SATL1: variants seen among roughly 807,000 people sequenced by gnomAD.
SATL1 encodes spermidine/spermine N1-acetyl transferase like 1.
SATL1 carries 47 observed loss-of-function variants against 51.8 expected under a neutral mutation model. The ratio of observed to expected loss-of-function variants is 0.91; its 90% CI spans 0.72 to 1.16. The LOEUF (loss-of-function observed/expected upper bound fraction) is 1.16, where lower values mean the gene tolerates loss of function less well. Among genes scored for constraint, SATL1 ranks in the 50% most tolerant of loss-of-function variants. SATL1 has a pLI of 0.00. For missense variants in SATL1, 520 were observed against 526.4 expected (o/e 0.99, Z 0.12); for synonymous variants, 176 against 182.4 (o/e 0.97, Z 0.28).
At chrX:85,152,712 C>G (rs1186201603) in intron 2 of SATL1, among the ~76,000 whole-genome samples, 11 of 110,848 alleles carry the variant, frequency 9.9e-5, no homozygotes, top group Non-Finnish European at 2.1e-4. Context: ...TAAACTTTCA[C>G]AAGGACAAAA....
At position 85,107,866 on chromosome X, in the gene SATL1, T is replaced by G; in HGVS notation, c.1103A>C (p.Gln368Pro). ...QSGPRQSSTS[Q>P]AGTNQSGISQ... ...TATACCTGATTGGTTTGTGCCTGCT[T>G]GGCTCGTGCTTGATTGTCTGGGGCC... Residue 368 changes from glutamine (Q) to proline (P), a missense_variant, in exon 3 of 8, where the codon CAA becomes CCA. Gln to Pro is a moderately conservative substitution (Grantham distance 76, BLOSUM62 -1). This residue lies in a region of SATL1 where 488 missense variants were observed against 474.3 expected (regional missense o/e 1.03). Transcript: ENST00000644105. The G allele has an allele frequency of 8.3e-7, 1 of 1,211,776 alleles. No individual in the cohort carries two copies. The highest frequency in any genetic ancestry group is 1.1e-6 in the Non-Finnish European group (1 of 895,582).
rs754494804 is a variant in SATL1, at chrX:85,147,756, G to C, written c.-312-38476C>G. On this transcript the variant is annotated intron_variant, in intron 2 of 7. Coordinates refer to ENST00000644105, the MANE Select transcript of SATL1 (RefSeq NM_001367857.2). ...AGCAAACTCCAACAGACCTGCAGCT[G>C]AGGGTCCTGTCTGTTAGAAGGGAAA... Among the ~76,000 whole-genome samples, 12 of 112,327 alleles carry C rather than the reference G, an allele frequency of 1.1e-4. No homozygotes were observed. The East Asian group carries it at 2.2e-3, about 21-fold the overall frequency.
chrX:85,179,838 G>A (rs1057392382), intron 2 of SATL1, among the ~76,000 whole-genome samples: 2 of 109,652 alleles, frequency 1.8e-5, no homozygotes, highest in Admixed American at 9.8e-5. Context: ...AACAGAACCA[G>A]GATTCAAAAC....
At chrX:85,127,571 G>A (rs963066456) in intron 2 of SATL1, among the ~76,000 whole-genome samples, 1 of 111,445 alleles carries the variant, frequency 9.0e-6, no homozygotes, top group African/African-American at 3.3e-5. Flanking sequence ...TCCATATCCT[G>A]TTGGCAAATA....
chrX:85,207,571 G>A (rs1223143608), intron 2 of SATL1: 1 of 111,406 alleles, frequency 9.0e-6, no homozygotes, highest in Non-Finnish European at 1.9e-5. Context: ...GTCCTAATGA[G>A]CCCCCTTCAC....
intron 2 of SATL1, among the ~76,000 whole-genome samples, chrX:85,147,086 C>T (rs5923273): frequency 0.35 from 35,915 of 102,847 alleles, 6,405 homozygotes; most frequent in Non-Finnish European, 0.5. Flanking sequence ...GGGTGATGGA[C>T]GGCACCTGGA....
At chrX:85,185,178 T>C (rs1927286683) in intron 2 of SATL1, among the ~76,000 whole-genome samples, 1 of 112,336 alleles carries the variant, frequency 8.9e-6, no homozygotes, top group South Asian at 3.7e-4. Context: ...TCCTCTTACA[T>C]TTCCCTCAGT....
At position 85,092,350 on chromosome X, in the gene SATL1, T is replaced by TCAC. The variant is rs1344839631; in HGVS notation, c.*40_*41insGTG. On this transcript the variant is annotated 3_prime_UTR_variant, in exon 8 of 8. Transcript: ENST00000644105. Reference sequence around the variant, plus strand: ...CTGTTAGACTCAGGTGACAGTCAAATGTTGGAGGCTGTGTTGGGATGAGTT... The same window carrying TCAC: ...CTGTTAGACTCAGGTGACAGTCAAATCACGTTGGAGGCTGTGTTGGGATGAGTT... 1.8e-6 allele frequency: 2 copies of TCAC among 1,135,152 alleles called. No homozygotes were observed. The highest frequency in any genetic ancestry group is 3.0e-5 in the Admixed American group (1 of 33,484). The allele number at this position is 1,135,152 out of a possible 1,213,427, so 93.5% of individuals were successfully genotyped here.
At chrX:85,148,389 C>G (rs1926320765) in intron 2 of SATL1, among the ~76,000 whole-genome samples, 1 of 109,960 alleles carries the variant, frequency 9.1e-6, no homozygotes, top group Non-Finnish European at 1.9e-5. Context: ...GGAAAACACT[C>G]TGCAGGATAT....
At chrX:85,138,696 T>C (rs1926027610) in intron 2 of SATL1, among the ~76,000 whole-genome samples, 1 of 111,540 alleles carries the variant, frequency 9.0e-6, no homozygotes, top group South Asian at 3.7e-4. Context: ...GGGTTCAAGA[T>C]AGAATAGGGA....
chrX:85,108,487 A>G lies in SATL1; in HGVS notation c.482T>C (p.Leu161Ser), dbSNP rs768097816. The change falls in exon 3 of 8, where the codon TTA becomes TCA. Residue 161 changes from leucine to serine, a missense_variant. Coordinates refer to ENST00000644105, the MANE Select transcript of SATL1 (RefSeq NM_001367857.2). ...PSMRQVGTSQ[L>S]GTSQIGMSQP... ...GCTCATGCCTATTTGGCTTGTGCCT[A>G]ATTGGCTGGTGCCTACTTGTCTCAT... 1.5e-5 allele frequency: 18 copies of G among 1,207,509 alleles called. No individual in the cohort carries two copies. In the East Asian group the frequency reaches 5.1e-4, roughly 34 times the overall value.
chrX:85,205,569 G>A (rs1194961388), intron 2 of SATL1, among the ~76,000 whole-genome samples: 3 of 111,909 alleles, frequency 2.7e-5, no homozygotes, highest in African/African-American at 9.7e-5. Context: ...TATAAAAAGG[G>A]AAACAACTTT....
intron 2 of SATL1, among the ~76,000 whole-genome samples, chrX:85,145,646 G>A (rs888151099): frequency 2.7e-5 from 3 of 111,276 alleles, no homozygotes; most frequent in African/African-American, 9.8e-5. Flanking sequence ...GAAGCTGGTA[G>A]ACAGCTTCAA....
rs1357852112 is a variant in SATL1, at chrX:85,108,124, C to T, written c.845G>A (p.Ser282Asn). ...NQMDMNQWSA[S>N]LYEMNQVDMK... is the part of the protein sequence containing the mutation. ...GTCCACTTGGTTCATTTCATATAGG[C>T]TTGCACTCCATTGGTTCATGTCCAT... Residue 282 changes from serine to asparagine, a missense_variant, in exon 3 of 8, where the codon AGC becomes AAC. Coordinates refer to ENST00000644105, the MANE Select transcript of SATL1 (RefSeq NM_001367857.2). The T allele has an allele frequency of 8.3e-7, 1 of 1,211,541 alleles. No individual in the cohort carries two copies. The highest frequency in any genetic ancestry group is 2.2e-5 in the Admixed American group (1 of 46,015).
At chrX:85,152,124 AAAAC>A (rs1481629642) in intron 2 of SATL1, among the ~76,000 whole-genome samples, 1 of 111,715 alleles carries the variant, frequency 9.0e-6, no homozygotes, top group Non-Finnish European at 1.9e-5. Context: ...TTACAAGAAA[AAAAC>A]AAACAATCCC....
chrX:85,201,081 T>C (rs2147750413), intron 2 of SATL1, among the ~76,000 whole-genome samples: 1 of 111,124 alleles, frequency 9.0e-6, no homozygotes, highest in East Asian at 2.8e-4. Flanking sequence ...TGGTGTTAAA[T>C]AGAACTCAAG....
chrX:85,186,875 G>A (rs1240194332), intron 2 of SATL1, among the ~76,000 whole-genome samples: 1 of 111,715 alleles, frequency 9.0e-6, no homozygotes. Context: ...TGGTGTTCTG[G>A]TGTGTATCTA....
chrX:85,176,194 T>C (rs905098977), intron 2 of SATL1, among the ~76,000 whole-genome samples: 9 of 112,024 alleles, frequency 8.0e-5, no homozygotes, highest in African/African-American at 2.9e-4. Flanking sequence ...GAAATGTGAC[T>C]ATAATCACAC....
intron 2 of SATL1, among the ~76,000 whole-genome samples, chrX:85,180,641 A>G (rs1927181586): frequency 9.0e-6 from 1 of 111,644 alleles, no homozygotes; most frequent in South Asian, 3.7e-4. Flanking sequence ...CAAGTTAATG[A>G]TACATAATTT....
Sources: gnomAD v4.1 joint callset for allele counts (sites outside exome capture counted in the v4.1 genomes callset) on GRCh38, gnomAD v4.1.1 for gene constraint, gnomAD v4.1.1 regional missense constraint, MANE v1.5 for transcripts, NCBI Gene and HGNC (gene_info 2026-07-23, HGNC 2026-07-21) for gene names.